The following OPRM1 variants were observed in gnomAD, a reference collection of about 807,000 sequenced individuals.
OPRM1 encodes the protein opioid receptor mu 1.
OPRM1 carries 27 observed loss-of-function variants against 31.8 expected under a neutral mutation model. That is an observed-to-expected ratio of 0.85 (90% CI 0.63 to 1.17). The LOEUF (loss-of-function observed/expected upper bound fraction) is 1.17. OPRM1 is among the 50% of genes most tolerant of loss of function. The pLI, the probability that OPRM1 is intolerant of heterozygous loss-of-function variation, is 0.00. For missense variants in OPRM1, 536 were observed against 511.1 expected (o/e 1.05, Z -0.47); for synonymous variants, 196 against 189.9 (o/e 1.03, Z -0.26).
intron 3 of OPRM1, chr6:154,110,481 C>A: frequency 1.0e-6 from 1 of 965,524 alleles, no homozygotes. Flanking sequence ...GCTGCTAGCC[C>A]TAATGGAGAC....
In OPRM1 at chr6:154,100,191, A is replaced by ATC. The variant is rs1794560122; in HGVS notation, c.1164+8720_1164+8721dup. Among the ~76,000 whole-genome samples, 2 of 128,220 alleles carry ATC rather than the reference A, an allele frequency of 1.6e-5. 1 individual carries two copies. The highest frequency in any genetic ancestry group is 1.7e-4 in the Admixed American group (2 of 11,834). 84.1% of individuals were successfully genotyped at this position (128,220 alleles called of 152,430 possible). On this transcript the variant is annotated intron_variant, in intron 3 of 3. Transcript: ENST00000330432. ...AATATATATTATCATATTATGACAT[A>ATC]TCATAATATATATTATCATATTATG...
At chr6:154,137,698 A>G (rs1324354700) in intron 3 of OPRM1, among the ~76,000 whole-genome samples, 2 of 152,234 alleles carry the variant, frequency 1.3e-5, no homozygotes, top group African/African-American at 2.4e-5. Flanking sequence ...TCCTAAGTCA[A>G]ATAACACATG....
intron 1 of OPRM1, among the ~76,000 whole-genome samples, chr6:154,044,966 T>C (rs551062060): frequency 1.4e-4 from 22 of 152,228 alleles, no homozygotes; most frequent in African/African-American, 2.2e-4. Context: ...AGCTCTTACT[T>C]ACAATGCCAG....
intron 3 of OPRM1, among the ~76,000 whole-genome samples, chr6:154,231,193 T>C (rs1036284740): frequency 1.3e-5 from 2 of 152,228 alleles, no homozygotes; most frequent in Non-Finnish European, 1.5e-5. Context: ...AAATCTGAAT[T>C]ATATTCTTTA....
At chr6:154,242,674 G>A (rs908869363) in intron 3 of OPRM1, among the ~76,000 whole-genome samples, 13 of 152,170 alleles carry the variant, frequency 8.5e-5, no homozygotes, top group African/African-American at 2.9e-4. Context: ...ATCACTTGAG[G>A]TCAGGAGTTC....
chr6:154,104,148 A>G (rs1795253384), intron 3 of OPRM1, among the ~76,000 whole-genome samples: 1 of 152,156 alleles, frequency 6.6e-6, no homozygotes, highest in Non-Finnish European at 1.5e-5. Context: ...CTGCCTAGCT[A>G]TTAGGGGCTC....
chr6:154,177,541 C>T (rs746835102), intron 3 of OPRM1, among the ~76,000 whole-genome samples: 36 of 152,202 alleles, frequency 2.4e-4, no homozygotes, highest in Non-Finnish European at 4.3e-4. Flanking sequence ...TGAAAAAATG[C>T]TGATCATCAC....
At chr6:154,114,832 T>G (rs1378702503) in intron 3 of OPRM1, among the ~76,000 whole-genome samples, 1 of 151,756 alleles carries the variant, frequency 6.6e-6, no homozygotes, top group Non-Finnish European at 1.5e-5. Context: ...ATTTAAGTCC[T>G]TGGTCAAGGT....
At chr6:154,192,408 T>C (rs1290117638) in intron 3 of OPRM1, among the ~76,000 whole-genome samples, 2 of 151,986 alleles carry the variant, frequency 1.3e-5, no homozygotes, top group African/African-American at 4.8e-5. Flanking sequence ...CACTCTTCTA[T>C]GTATATGATA....
At chr6:154,024,555 T>C (rs1240272551) in intron 1 of OPRM1, among the ~76,000 whole-genome samples, 3 of 151,972 alleles carry the variant, frequency 2.0e-5, no homozygotes, top group African/African-American at 7.2e-5. Flanking sequence ...TCTGCCCTGA[T>C]TTTTATTATT....
At position 154,126,439 on chromosome 6, in the gene OPRM1, C is replaced by T. The variant is rs1212481503; in HGVS notation, c.*7718C>T. 6.6e-6 allele frequency among the ~76,000 whole-genome samples: 1 copy of T among 152,198 alleles called. No homozygotes were observed. Among genetic ancestry groups the T allele is most frequent in the African/African-American group, 2.4e-5 (1 of 41,448 alleles). On this transcript the variant is annotated 3_prime_UTR_variant, in exon 4 of 4. Transcript: ENST00000330432. ...TGGGAAGGAGAACAACAATTATATT[C>T]CCCCATTTCAAGAAGGGCAGAAGTG... is the stretch of plus-strand genomic sequence containing the variant.
chr6:154,065,313 C>A (rs986809155), intron 1 of OPRM1, among the ~76,000 whole-genome samples: 1 of 151,832 alleles, frequency 6.6e-6, no homozygotes, highest in African/African-American at 2.4e-5. Flanking sequence ...CCATGCCTAG[C>A]TAATTTTTGT....
At position 154,120,645 on chromosome 6, in the gene OPRM1, A is replaced by C. The variant is rs982473727; in HGVS notation, c.*1924A>C. On this transcript the variant is annotated 3_prime_UTR_variant, in exon 4 of 4. Coordinates refer to ENST00000330432, the MANE Select transcript of OPRM1 (RefSeq NM_000914.5). ...GATAATTCAAACAGAACACAATGTA[A>C]TATTTGTATGTAAATAACTGAGGAG... Among the ~76,000 whole-genome samples, 10 of 152,202 alleles carry C rather than the reference A, an allele frequency of 6.6e-5. No homozygotes were observed. The highest frequency in any genetic ancestry group is 2.4e-4 in the African/African-American group (10 of 41,452).
At chr6:154,085,529 C>T (rs1436977301) in intron 1 of OPRM1, among the ~76,000 whole-genome samples, 1 of 152,180 alleles carries the variant, frequency 6.6e-6, no homozygotes, top group Non-Finnish European at 1.5e-5. Flanking sequence ...GCCACTGCTT[C>T]GAGCAGAAGA....
rs537386715 is a variant in OPRM1 at position 154,211,277 on chromosome 6, G to A, written c.1165-35416G>A. 1.6e-4 allele frequency among the ~76,000 whole-genome samples: 24 copies of A among 152,130 alleles called. 2 individuals carry two copies. The highest frequency in any genetic ancestry group is 8.3e-4 in the South Asian group (4 of 4,806). The stretch of plus-strand genomic sequence containing the variant: ...TAAAAATACAAAAAATTAGCCGGGC[G>A]AGGTGGCGAGCACCCCAGCTACTCG... On this transcript the variant is annotated intron_variant, in intron 3 of 3. Transcript: ENST00000337049.
chr6:154,088,721 A>G (rs139319556), intron 1 of OPRM1, among the ~76,000 whole-genome samples: 2 of 152,316 alleles, frequency 1.3e-5, no homozygotes, highest in Non-Finnish European at 2.9e-5. Context: ...TAAAGCATTA[A>G]AAAATAAAAA....
chr6:154,150,609 G>A (rs761658782), intron 3 of OPRM1, among the ~76,000 whole-genome samples: 5 of 152,214 alleles, frequency 3.3e-5, no homozygotes, highest in Non-Finnish European at 7.3e-5. Context: ...CAATAAGGAG[G>A]AGTCCACCTC....
At chr6:154,246,252 T>G (rs1238547801) in intron 3 of OPRM1, among the ~76,000 whole-genome samples, 1 of 152,174 alleles carries the variant, frequency 6.6e-6, no homozygotes, top group Non-Finnish European at 1.5e-5. Flanking sequence ...AGGTGCCATG[T>G]TAAGTGATGG....
At position 154,122,008 on chromosome 6, in the gene OPRM1, G is replaced by A. The variant is rs566950912; in HGVS notation, c.*3287G>A. 2.4e-4 allele frequency among the ~76,000 whole-genome samples: 36 copies of A among 152,256 alleles called. No homozygotes were observed. The highest frequency in any genetic ancestry group is 8.7e-4 in the African/African-American group (36 of 41,562). On this transcript the variant is annotated 3_prime_UTR_variant, in exon 4 of 4. Coordinates refer to ENST00000330432, the MANE Select transcript of OPRM1 (RefSeq NM_000914.5). The stretch of plus-strand genomic sequence containing the variant: ...TACTGGCAATTACCAAGATAAGATG[G>A]CACTAGAAATTTCTCCAGCTTACGC...
Sources: gnomAD v4.1 joint callset for allele counts (sites outside exome capture counted in the v4.1 genomes callset) on GRCh38, gnomAD v4.1.1 for gene constraint, MANE v1.5 for transcripts, NCBI Gene and HGNC (gene_info 2026-07-23, HGNC 2026-07-21) for gene names.